SEM1: variants seen among roughly 807,000 people sequenced by gnomAD.
SEM1 encodes SEM1 26S proteasome subunit, also known as 26S proteasome complex subunit SEM1.
Under a neutral mutation model 12.7 loss-of-function variants are expected in SEM1, and 3 were observed. The ratio of observed to expected loss-of-function variants is 0.24; its 90% CI spans 0.11 to 0.61. The LOEUF (loss-of-function observed/expected upper bound fraction) is 0.61, where lower values mean the gene tolerates loss of function less well. Among genes scored for constraint, SEM1 ranks in the 20% least tolerant of loss-of-function variants. SEM1 has a pLI of 0.88. For missense variants in SEM1, 59 were observed against 81.3 expected (o/e 0.73, Z 1.06); for synonymous variants, 30 against 27.8 (o/e 1.08, Z -0.25).
At chr7:96,620,576 T>C (rs1257847881), downstream of SEM1, among the ~76,000 whole-genome samples, 1 of 152,186 alleles carries the variant, frequency 6.6e-6, no homozygotes, top group Non-Finnish European at 1.5e-5. Context: ...TTCGGAGCCC[T>C]GAGGTTTTCC....
chr7:96,533,973 G>A (rs1381708888), intron 2 of SEM1, among the ~76,000 whole-genome samples: 2 of 151,878 alleles, frequency 1.3e-5, no homozygotes, highest in Non-Finnish European at 2.9e-5. Context: ...ATTAAATCCC[G>A]ACCCCTGAGT....
intron 2 of SEM1, among the ~76,000 whole-genome samples, chr7:96,511,768 A>G (rs1029969520): frequency 6.6e-6 from 1 of 152,066 alleles, no homozygotes; most frequent in Non-Finnish European, 1.5e-5. Context: ...ACTTTTTTTT[A>G]ATAAATAGTA....
chr7:96,665,297 G>A (rs917819355), intron 2 of SEM1, among the ~76,000 whole-genome samples: 7 of 152,128 alleles, frequency 4.6e-5, no homozygotes, highest in African/African-American at 1.4e-4. Flanking sequence ...GCTCACCAAG[G>A]GGGGAAATGC....
At chr7:96,496,915 T>A (rs2117246164), upstream of SEM1, among the ~76,000 whole-genome samples, 1 of 152,230 alleles carries the variant, frequency 6.6e-6, no homozygotes, top group Admixed American at 6.6e-5. Flanking sequence ...ATAAAATATT[T>A]ATTTAAGCAA....
intron 2 of SEM1, among the ~76,000 whole-genome samples, chr7:96,682,194 CT>C (rs1484112136): frequency 2.0e-5 from 3 of 151,638 alleles, no homozygotes; most frequent in African/African-American, 7.3e-5. Flanking sequence ...TTTGTCTGTT[CT>C]TGGTGTATAG....
At chr7:96,570,974 T>C (rs1015032608) in intron 2 of SEM1, among the ~76,000 whole-genome samples, 1 of 151,988 alleles carries the variant, frequency 6.6e-6, no homozygotes, top group African/African-American at 2.4e-5. Flanking sequence ...TTTTTTTTTT[T>C]TTCGTATGTT....
chr7:96,490,403 A>T (rs975640802), intron 1 of SEM1, among the ~76,000 whole-genome samples: 1 of 152,222 alleles, frequency 6.6e-6, no homozygotes, highest in African/African-American at 2.4e-5. Flanking sequence ...CCCAGATTAC[A>T]CACTTCTGAG....
intron 2 of SEM1, among the ~76,000 whole-genome samples, chr7:96,678,957 T>TTTA (rs1789523439): frequency 6.6e-6 from 1 of 152,064 alleles, no homozygotes; most frequent in Non-Finnish European, 1.5e-5. Flanking sequence ...TGAACTAGTA[T>TTTA]TATATAGACT....
intron 1 of SEM1, among the ~76,000 whole-genome samples, chr7:96,704,598 G>A (rs1353084577): frequency 2.0e-5 from 3 of 152,028 alleles, no homozygotes; most frequent in South Asian, 2.1e-4. Flanking sequence ...GGTACTCTTC[G>A]AATCATTATA....
chr7:96,687,126 T>G (rs903280378), downstream of SEM1, among the ~76,000 whole-genome samples: 1 of 152,028 alleles, frequency 6.6e-6, no homozygotes, highest in Non-Finnish European at 1.5e-5. Flanking sequence ...CATTAAAAAG[T>G]CAGGAAACAA....
intron 1 of SEM1, among the ~76,000 whole-genome samples, chr7:96,697,962 C>T (rs1032233506): frequency 2.6e-5 from 4 of 152,084 alleles, no homozygotes; most frequent in Non-Finnish European, 4.4e-5. Context: ...GAAATCAATA[C>T]GTAGCACGGC....
At chr7:96,676,842 A>G (rs1182840790) in intron 2 of SEM1, among the ~76,000 whole-genome samples, 1 of 152,226 alleles carries the variant, frequency 6.6e-6, no homozygotes, top group Non-Finnish European at 1.5e-5. Context: ...CACACCTTCC[A>G]TTAGGAATCT....
chr7:96,597,234 G>A (rs1478996735), intron 2 of SEM1, among the ~76,000 whole-genome samples: 1 of 152,120 alleles, frequency 6.6e-6, no homozygotes, highest in Non-Finnish European at 1.5e-5. Context: ...TGAACTATTA[G>A]GAGTATACGT....
downstream of SEM1, among the ~76,000 whole-genome samples, chr7:96,620,903 T>C (rs1486320166): frequency 6.6e-6 from 1 of 152,214 alleles, no homozygotes; most frequent in Non-Finnish European, 1.5e-5. Flanking sequence ...TATGTTTTTA[T>C]TTACCTGTTG....
intron 2 of SEM1, among the ~76,000 whole-genome samples, chr7:96,653,526 G>C (rs567664211): frequency 5.7e-4 from 87 of 152,278 alleles, no homozygotes; most frequent in Non-Finnish European, 1.1e-3. Flanking sequence ...GTTGTAGCCA[G>C]GACCCAGCAA....
chr7:96,705,627 A>G (rs1243424644), intron 1 of SEM1, among the ~76,000 whole-genome samples: 1 of 152,064 alleles, frequency 6.6e-6, no homozygotes, highest in Non-Finnish European at 1.5e-5. Context: ...GGAGATCGAG[A>G]CCATCCTGGC....
At chr7:96,630,956 C>T (rs1808240549) in intron 2 of SEM1, among the ~76,000 whole-genome samples, 1 of 152,176 alleles carries the variant, frequency 6.6e-6, no homozygotes, top group African/African-American at 2.4e-5. Context: ...GAAAGGGGAC[C>T]TCATGACTCT....
At chr7:96,709,514 C>T (rs1465642618) in intron 1 of SEM1, among the ~76,000 whole-genome samples, 174 bp downstream of exon 1, 1 of 152,146 alleles carries the variant, frequency 6.6e-6, no homozygotes, top group South Asian at 2.1e-4. Context: ...GCGCAACACC[C>T]CAAACCCGAA....
intron 2 of SEM1, among the ~76,000 whole-genome samples, chr7:96,585,258 G>C (rs1404472492): frequency 1.3e-5 from 2 of 152,170 alleles, no homozygotes; most frequent in African/African-American, 4.8e-5. Context: ...CCTGCTGGGG[G>C]GTGCCTCCCA....
Sources: allele counts gnomAD v4.1 joint callset (sites outside exome capture counted in the v4.1 genomes callset), GRCh38; gene constraint gnomAD v4.1.1; transcripts MANE v1.5; gene names NCBI Gene and HGNC (gene_info 2026-07-23, HGNC 2026-07-21).